Variants in GRK3 observed in about 807,000 individuals in gnomAD.
GRK3 encodes G protein-coupled receptor kinase 3.
A neutral mutation model predicts 95.7 loss-of-function variants in GRK3; 54 were observed. The ratio of observed to expected loss-of-function variants is 0.56; its 90% CI spans 0.45 to 0.71. The LOEUF is 0.71. Ranked by LOEUF, GRK3 falls within the 30% of genes least tolerant of loss-of-function variation. The pLI is 0.00. For synonymous variants in GRK3, 281 were observed against 290.8 expected (o/e 0.97, Z 0.34); for missense variants, 649 against 851.2 (o/e 0.76, Z 2.96).
chr22:25,690,247 C>T lies in GRK3; in HGVS notation c.1016C>T (p.Ala339Val). 1 of 1,614,106 alleles carries T rather than the reference C, an allele frequency of 6.2e-7. No homozygotes were observed. The highest frequency in any genetic ancestry group is 8.5e-7 in the Non-Finnish European group (1 of 1,179,980). ...GCAAGAATATCAGATCTTGGTCTTG[C>T]CTGCGATTTTTCCAAAAAGAAGCCT... ...GHARISDLGL[A>V]CDFSKKKPHA... The change falls in exon 12 of 21, where the codon GCC (alanine) becomes GTC (valine). Residue 339 changes from alanine to valine, a missense_variant. Ala to Val is a moderately conservative substitution (Grantham distance 64). Transcript: ENST00000324198.
chr22:25,700,879 C>T (rs182887748), intron 13 of GRK3, among the ~76,000 whole-genome samples: 85 of 152,290 alleles, frequency 5.6e-4, no homozygotes, highest in Non-Finnish European at 1.1e-3. Context: ...CCACCGCGCC[C>T]GGCCTCTTTT....
intron 1 of GRK3, among the ~76,000 whole-genome samples, chr22:25,589,283 A>T (rs1932418424): frequency 6.6e-6 from 1 of 152,236 alleles, no homozygotes. Flanking sequence ...TGTCCTAAAC[A>T]TTGTAGTTTC....
chr22:25,689,792 C>G (rs1271939285), intron 11 of GRK3, among the ~76,000 whole-genome samples: 4 of 152,154 alleles, frequency 2.6e-5, no homozygotes, highest in African/African-American at 9.7e-5. Context: ...CTTAGAAATC[C>G]TTGTGGTTCT....
intron 13 of GRK3, among the ~76,000 whole-genome samples, chr22:25,700,255 G>A (rs1331266531): frequency 2.6e-5 from 4 of 152,214 alleles, no homozygotes; most frequent in African/African-American, 9.6e-5. Flanking sequence ...AGATGACTTT[G>A]TCAGATACTT....
chr22:25,720,094 T>A (rs2085419425), intron 19 of GRK3, among the ~76,000 whole-genome samples: 1 of 152,080 alleles, frequency 6.6e-6, no homozygotes, highest in East Asian at 1.9e-4. Context: ...AAGCTCACTG[T>A]ATTTCCAGGT....
Position 25,704,108 on chromosome 22 carries a change from G to C in GRK3, c.1228-1G>C. On this transcript the variant is annotated splice_acceptor_variant, in intron 14 of 20. Transcript: ENST00000324198. LOFTEE classifies it high-confidence loss of function. The stretch of plus-strand genomic sequence containing the variant: ...TGAAATCTTACTCGTCTTTTCCCCA[G>C]AATGTGGAACTTCCAGACACCTTCT... 2 of 1,609,974 alleles carry C rather than the reference G, an allele frequency of 1.2e-6. No individual in the cohort carries two copies. The highest frequency in any genetic ancestry group is 2.7e-5 in the African/African-American group (2 of 74,912).
chr22:25,680,706 T>C (rs958053368), intron 9 of GRK3, among the ~76,000 whole-genome samples: 1 of 152,204 alleles, frequency 6.6e-6, no homozygotes, highest in African/African-American at 2.4e-5. Context: ...TTTATTTAGA[T>C]ATCAAAACTG....
intron 2 of GRK3, among the ~76,000 whole-genome samples, chr22:25,605,912 G>A (rs2084442315): frequency 6.6e-6 from 1 of 152,162 alleles, no homozygotes; most frequent in Admixed American, 6.5e-5. Flanking sequence ...ACTTCAGCCT[G>A]CTTTCCCTTC....
intron 9 of GRK3, among the ~76,000 whole-genome samples, chr22:25,683,447 ACC>A (rs1195618867): frequency 6.6e-6 from 1 of 152,258 alleles, no homozygotes; most frequent in African/African-American, 2.4e-5. Context: ...GGTAGATATC[ACC>A]AAATGGGTTG....
intron 2 of GRK3, among the ~76,000 whole-genome samples, chr22:25,636,703 C>T (rs2084704059): frequency 6.6e-6 from 1 of 152,088 alleles, no homozygotes; most frequent in Admixed American, 6.6e-5. Context: ...TGCCTCTTCC[C>T]AGTCAATTTC....
intron 13 of GRK3, among the ~76,000 whole-genome samples, chr22:25,699,136 G>A (rs1056503645): frequency 2.0e-5 from 3 of 152,176 alleles, no homozygotes; most frequent in South Asian, 2.1e-4. Flanking sequence ...CACTGCCTCA[G>A]CTGTGAACAA....
chr22:25,703,672 G>A, intron 14 of GRK3, 96 bp downstream of exon 14: 2 of 927,720 alleles, frequency 2.2e-6, no homozygotes, highest in Non-Finnish European at 1.6e-6. Flanking sequence ...AATGTTATAG[G>A]AAATATAAAA....
At chr22:25,653,659 A>G (rs1031004878) in intron 3 of GRK3, among the ~76,000 whole-genome samples, 3 of 152,358 alleles carry the variant, frequency 2.0e-5, no homozygotes, top group Middle Eastern at 3.4e-3. Context: ...GACCTAATTG[A>G]CATATGTAAA....
intron 1 of GRK3, among the ~76,000 whole-genome samples, chr22:25,572,729 G>A (rs1931749364): frequency 6.6e-6 from 1 of 152,204 alleles, no homozygotes; most frequent in African/African-American, 2.4e-5. Flanking sequence ...GCAATTAGCA[G>A]AGTTGACTCA....
At chr22:25,623,361 G>T (rs16980512) in intron 2 of GRK3, among the ~76,000 whole-genome samples, 31,538 of 152,118 alleles carry the variant, frequency 0.21, 6,135 homozygotes, top group African/African-American at 0.52. Flanking sequence ...AATTCCCGCC[G>T]TGTAAGCCCC....
At chr22:25,644,223 A>G (rs2084764292) in intron 2 of GRK3, among the ~76,000 whole-genome samples, 2 of 150,982 alleles carry the variant, frequency 1.3e-5, no homozygotes, top group South Asian at 4.2e-4. Context: ...GGTGATTCTC[A>G]CCAACACATA....
chr22:25,650,930 T>G (rs1281333180), intron 3 of GRK3, among the ~76,000 whole-genome samples: 2 of 152,210 alleles, frequency 1.3e-5, no homozygotes, highest in Non-Finnish European at 2.9e-5. Flanking sequence ...TTTTTCCCCT[T>G]TAGAATATAT....
chr22:25,657,955 T>A (rs1167611729), intron 3 of GRK3, among the ~76,000 whole-genome samples: 1 of 152,212 alleles, frequency 6.6e-6, no homozygotes, highest in Non-Finnish European at 1.5e-5. Context: ...TCTTTTGGCA[T>A]CTCTAATCTG....
chr22:25,606,304 T>C (rs2084446134), intron 2 of GRK3, among the ~76,000 whole-genome samples: 1 of 152,346 alleles, frequency 6.6e-6, no homozygotes, highest in Admixed American at 6.5e-5. Flanking sequence ...CTTGGGAAGG[T>C]CATGGTCACA....
Sources: allele counts gnomAD v4.1 joint callset (sites outside exome capture counted in the v4.1 genomes callset), GRCh38; gene constraint gnomAD v4.1.1; transcripts MANE v1.5; gene names NCBI Gene and HGNC (gene_info 2026-07-23, HGNC 2026-07-21).